Variants in FCHSD2 observed in about 807,000 individuals in gnomAD.
FCHSD2 encodes the protein FCH and double SH3 domains 2.
In FCHSD2, 38 loss-of-function variants were observed where a neutral mutation model predicts 108.1. The observed-to-expected ratio is 0.35, with a 90% CI of 0.27 to 0.46. FCHSD2 has a LOEUF of 0.46. Ranked by LOEUF, FCHSD2 falls within the 20% of genes least tolerant of loss-of-function variation. The pLI is 1.00. For synonymous variants in FCHSD2, 279 were observed against 314.7 expected, an observed-to-expected ratio of 0.89 and a Z score of 1.20; for missense variants, 751 against 897.8, an observed-to-expected ratio of 0.84 and a Z score of 2.09.
intron 3 of FCHSD2, among the ~76,000 whole-genome samples, chr11:73,027,535 A>G (rs1242518485): frequency 6.6e-6 from 1 of 152,206 alleles, no homozygotes; most frequent in Non-Finnish European, 1.5e-5. Context: ...TAGAGTGTAA[A>G]AGTTTGAAAA....
intron 3 of FCHSD2, among the ~76,000 whole-genome samples, chr11:73,040,122 A>G (rs1424305112): frequency 1.3e-5 from 2 of 152,216 alleles, no homozygotes; most frequent in Non-Finnish European, 2.9e-5. Flanking sequence ...TAACCAGATA[A>G]TGTTACACAA....
intron 8 of FCHSD2, among the ~76,000 whole-genome samples, chr11:72,944,271 G>A (rs139978371): frequency 6.3e-4 from 96 of 152,188 alleles, no homozygotes; most frequent in African/African-American, 2.2e-3. Flanking sequence ...ACATAATCCA[G>A]CATATAAACA....
chr11:73,082,579 T>C (rs1334483420), intron 3 of FCHSD2, among the ~76,000 whole-genome samples: 1 of 151,932 alleles, frequency 6.6e-6, no homozygotes, highest in African/African-American at 2.4e-5. Flanking sequence ...AGAATTTCAT[T>C]AAAAAATCTG....
intron 13 of FCHSD2, among the ~76,000 whole-genome samples, chr11:72,854,623 T>G (rs1468204397): frequency 6.6e-6 from 1 of 152,124 alleles, no homozygotes; most frequent in African/African-American, 2.4e-5. Flanking sequence ...GGAGGGAAAT[T>G]TTGACACATG....
At chr11:72,851,085 C>G in intron 13 of FCHSD2, among the ~76,000 whole-genome samples, 1 of 113,300 alleles carries the variant, frequency 8.8e-6, no homozygotes, top group Admixed American at 1.3e-4. Flanking sequence ...TGGGGCGACA[C>G]AGCGTGACTC....
At chr11:73,044,497 T>C (rs1415935225) in intron 3 of FCHSD2, among the ~76,000 whole-genome samples, 1 of 152,120 alleles carries the variant, frequency 6.6e-6, no homozygotes, top group African/African-American at 2.4e-5. Context: ...AGATCACTTG[T>C]GCCCAGGAGT....
rs1858942105 is a variant in FCHSD2 at position 73,053,153 on chromosome 11, T to TC, written c.165+30541_165+30542insG. On this transcript the variant is annotated intron_variant, in intron 3 of 19. Transcript: ENST00000409418. ...GAGCCACTGCACCCAGCCTTTTTTT[T>TC]TTTTTTTTTTTTTGGTCCATAATTT... Among the ~76,000 whole-genome samples, 5 of 151,308 alleles carry TC rather than the reference T, an allele frequency of 3.3e-5. No homozygotes were observed. In the South Asian group the frequency reaches 1.0e-3, roughly 32 times the overall value.
At chr11:72,873,460 TTTTAATATATTCTAGAAG>T (rs1299841377) in intron 12 of FCHSD2, among the ~76,000 whole-genome samples, 1 of 152,158 alleles carries the variant, frequency 6.6e-6, no homozygotes, top group Non-Finnish European at 1.5e-5. Context: ...TTATTATGAG[TTTTAATATATTCTAGAAG>T]TAAGTTTCTA....
intron 2 of FCHSD2, among the ~76,000 whole-genome samples, chr11:73,112,097 A>C (rs1056371017): frequency 9.9e-5 from 15 of 152,182 alleles, no homozygotes; most frequent in African/African-American, 3.4e-4. Flanking sequence ...TTGTACCTTT[A>C]GATAATTTCT....
At chr11:72,889,184 A>G (rs769398731) in intron 11 of FCHSD2, among the ~76,000 whole-genome samples, 1 of 151,144 alleles carries the variant, frequency 6.6e-6, no homozygotes, top group Non-Finnish European at 1.5e-5. Flanking sequence ...GATGGTCTCG[A>G]TCTCCTGACC....
At chr11:72,972,403 C>T (rs1857024086) in intron 8 of FCHSD2, among the ~76,000 whole-genome samples, 1 of 152,158 alleles carries the variant, frequency 6.6e-6, no homozygotes, top group Non-Finnish European at 1.5e-5. Flanking sequence ...AACTATATTT[C>T]AAGGTGCCCT....
intron 8 of FCHSD2, among the ~76,000 whole-genome samples, chr11:72,972,686 A>G (rs1857029693): frequency 6.6e-6 from 1 of 152,246 alleles, no homozygotes; most frequent in South Asian, 2.1e-4. Context: ...ACAGGGAACC[A>G]ATCATAAAAT....
intron 2 of FCHSD2, among the ~76,000 whole-genome samples, chr11:73,102,857 T>C (rs967089138): frequency 2.6e-5 from 4 of 152,210 alleles, no homozygotes; most frequent in Admixed American, 6.5e-5. Flanking sequence ...TATTCTGTTA[T>C]AGCAGCACAA....
intron 3 of FCHSD2, among the ~76,000 whole-genome samples, chr11:73,065,613 G>A (rs140551501): frequency 2.1e-4 from 32 of 152,220 alleles, no homozygotes; most frequent in African/African-American, 7.0e-4. Flanking sequence ...AAACCCCATC[G>A]TCTCAGTCCA....
At chr11:72,976,948 CAG>C (rs1857115296) in intron 8 of FCHSD2, among the ~76,000 whole-genome samples, 1 of 147,986 alleles carries the variant, frequency 6.8e-6, no homozygotes, top group African/African-American at 2.5e-5. Flanking sequence ...TTTTTTGAGA[CAG>C]AGTCTTGCTC....
chr11:72,951,262 G>C (rs1856614803), intron 8 of FCHSD2, among the ~76,000 whole-genome samples: 1 of 152,188 alleles, frequency 6.6e-6, no homozygotes, highest in South Asian at 2.1e-4. Flanking sequence ...GGATATTGCT[G>C]TAACAAAAAA....
chr11:72,999,772 C>T (rs1031299799), intron 5 of FCHSD2, among the ~76,000 whole-genome samples: 19 of 152,138 alleles, frequency 1.2e-4, no homozygotes, highest in African/African-American at 4.6e-4. Context: ...GATGAATGCA[C>T]TGGAAATTTG....
intron 6 of FCHSD2, among the ~76,000 whole-genome samples, chr11:72,988,572 TGAG>T (rs1292251674): frequency 6.6e-6 from 1 of 152,302 alleles, no homozygotes; most frequent in East Asian, 1.9e-4. Context: ...AGTGGCATCC[TGAG>T]GATCACAGGA....
At chr11:72,999,315 CTTTT>C (rs777275615) in intron 5 of FCHSD2, among the ~76,000 whole-genome samples, 4 of 103,782 alleles carry the variant, frequency 3.9e-5, no homozygotes, top group African/African-American at 7.2e-5. Context: ...ACCAAAGATT[CTTTT>C]TTTTTTTTTT....
Sources: allele counts gnomAD v4.1 joint callset (sites outside exome capture counted in the v4.1 genomes callset), GRCh38; gene constraint gnomAD v4.1.1; transcripts MANE v1.5; gene names NCBI Gene and HGNC (gene_info 2026-07-23, HGNC 2026-07-21).